The following NRXN3 variants were observed in gnomAD, a reference collection of about 807,000 sequenced individuals.
NRXN3 encodes the protein neurexin 3.
NRXN3 carries 32 observed loss-of-function variants against 137.6 expected under a neutral mutation model. The observed-to-expected ratio is 0.23, with a 90% CI of 0.18 to 0.31. The LOEUF is 0.31. Among genes scored for constraint, NRXN3 ranks in the 10% least tolerant of loss-of-function variants. NRXN3 has a pLI of 1.00. For synonymous variants in NRXN3, 798 were observed against 784.5 expected, an observed-to-expected ratio of 1.02 and a Z score of -0.29; for missense variants, 1,574 against 2,062.5, an observed-to-expected ratio of 0.76 and a Z score of 4.59.
chr14:79,660,654 G>A lies in NRXN3; in HGVS notation c.3445-3124G>A, dbSNP rs146431259. Among the ~76,000 whole-genome samples, 748 of 152,300 alleles carry A rather than the reference G, an allele frequency of 4.9e-3. 6 individuals are homozygous for A. Among genetic ancestry groups the A allele is most frequent in the African/African-American group, 0.017 (716 of 41,572 alleles). ...ACCGTACTTGGCCACTGCTGTCACT[G>A]AAAAGCTACAGAATGCTGCTTTAAA... On this transcript the variant is annotated intron_variant, in intron 16 of 20. Transcript: ENST00000335750.
chr14:78,335,203 T>C (rs2081317293), intron 4 of NRXN3, among the ~76,000 whole-genome samples: 1 of 152,194 alleles, frequency 6.6e-6, no homozygotes. Flanking sequence ...TAAAAATAAT[T>C]GGGCAATGTT....
intron 1 of NRXN3, among the ~76,000 whole-genome samples, chr14:78,240,845 A>G (rs550429407): frequency 2.4e-4 from 37 of 152,302 alleles, no homozygotes; most frequent in African/African-American, 8.4e-4. Context: ...CTTCCTCTTC[A>G]AAGAAGGGGT....
At chr14:79,015,709 A>G (rs1306711020) in intron 15 of NRXN3, among the ~76,000 whole-genome samples, 1 of 152,202 alleles carries the variant, frequency 6.6e-6, no homozygotes, top group East Asian at 1.9e-4. Flanking sequence ...TGACACAGAA[A>G]GACCCTGTCT....
At chr14:79,078,725 T>C (rs990514661) in intron 15 of NRXN3, among the ~76,000 whole-genome samples, 5 of 152,324 alleles carry the variant, frequency 3.3e-5, no homozygotes, top group African/African-American at 1.2e-4. Flanking sequence ...CCAACACATA[T>C]ATTTTGAAGA....
intron 1 of NRXN3, among the ~76,000 whole-genome samples, chr14:78,238,176 G>T (rs561944964): frequency 2.3e-4 from 30 of 130,152 alleles, no homozygotes; most frequent in African/African-American, 8.6e-4. Flanking sequence ...CTCCTAAGCA[G>T]CCGGCTTATG....
chr14:79,769,716 T>G (rs1025748144), intron 19 of NRXN3, among the ~76,000 whole-genome samples: 4 of 151,582 alleles, frequency 2.6e-5, no homozygotes, highest in Non-Finnish European at 5.9e-5. Flanking sequence ...CTGCATCAAC[T>G]AACGAGCAAA....
At chr14:79,317,982 A>G (rs901603775) in intron 15 of NRXN3, among the ~76,000 whole-genome samples, 8 of 152,226 alleles carry the variant, frequency 5.3e-5, no homozygotes, top group African/African-American at 1.9e-4. Flanking sequence ...CATGTTTCAG[A>G]TAAAAATCTC....
At chr14:78,639,949 A>G (rs1027987675) in intron 4 of NRXN3, among the ~76,000 whole-genome samples, 8 of 152,076 alleles carry the variant, frequency 5.3e-5, no homozygotes, top group Non-Finnish European at 7.3e-5. Context: ...GCATGTAAAT[A>G]CCTGCTTGCA....
At chr14:79,602,656 A>G (rs962237246) in intron 16 of NRXN3, among the ~76,000 whole-genome samples, 1 of 152,214 alleles carries the variant, frequency 6.6e-6, no homozygotes, top group Non-Finnish European at 1.5e-5. Flanking sequence ...GACAAAACTG[A>G]CATTGTTTAA....
intron 8 of NRXN3, among the ~76,000 whole-genome samples, chr14:78,796,037 G>T (rs2098820608): frequency 6.6e-6 from 1 of 152,170 alleles, no homozygotes; most frequent in South Asian, 2.1e-4. Flanking sequence ...CCCAGAAGAG[G>T]CAGGCTACTG....
chr14:78,625,422 GT>G (rs1455091015), intron 4 of NRXN3, among the ~76,000 whole-genome samples: 1 of 152,130 alleles, frequency 6.6e-6, no homozygotes, highest in Non-Finnish European at 1.5e-5. Context: ...TTTGGGTTTT[GT>G]TTTGATTTCT....
Position 78,668,885 on chromosome 14 carries a change from CA to C in NRXN3, c.1221+17563del, listed in dbSNP as rs1300175245. Among the ~76,000 whole-genome samples the C allele has an allele frequency of 2.6e-5, 4 of 152,126 alleles. No individual in the cohort carries two copies. In the South Asian group the frequency reaches 8.3e-4, roughly 32 times the overall value. On this transcript the variant is annotated intron_variant, in intron 6 of 20. Coordinates refer to ENST00000335750, the MANE Select transcript of NRXN3 (RefSeq NM_001330195.2). The stretch of plus-strand genomic sequence containing the variant: ...ACTCTTGCTATAGTTAAATGGCAGG[CA>C]AAACTTGATAATTATAATGCAACAT...
chr14:78,844,166 C>T (rs2099020254), intron 10 of NRXN3, among the ~76,000 whole-genome samples: 1 of 152,090 alleles, frequency 6.6e-6, no homozygotes, highest in Non-Finnish European at 1.5e-5. Context: ...TCACTCCAAA[C>T]TCTGCTTCCA....
At chr14:78,499,914 A>G (rs940064220) in intron 4 of NRXN3, among the ~76,000 whole-genome samples, 19 of 152,122 alleles carry the variant, frequency 1.2e-4, no homozygotes, top group Admixed American at 1.0e-3. Flanking sequence ...GGAAGTTGCA[A>G]TCTTATATAA....
intron 9 of NRXN3, among the ~76,000 whole-genome samples, chr14:78,807,734 C>CAAA (rs144921592): frequency 6.3e-5 from 7 of 111,724 alleles, no homozygotes; most frequent in African/African-American, 2.3e-4. Flanking sequence ...GATTCTGTCT[C>CAAA]AAAAAAAAAA....
At chr14:79,460,491 G>A (rs1417285418) in intron 15 of NRXN3, among the ~76,000 whole-genome samples, 4 of 152,056 alleles carry the variant, frequency 2.6e-5, no homozygotes, top group African/African-American at 9.7e-5. Flanking sequence ...GGCAGAAAAA[G>A]GGTCTCACTC....
intron 15 of NRXN3, among the ~76,000 whole-genome samples, chr14:79,256,131 T>C (rs2076539688): frequency 6.6e-6 from 1 of 151,362 alleles, no homozygotes; most frequent in Admixed American, 6.6e-5. Context: ...TGTGTGTCTT[T>C]CTCTCTCTCT....
intron 4 of NRXN3, among the ~76,000 whole-genome samples, chr14:78,504,020 A>G (rs1430961677): frequency 2.6e-5 from 4 of 152,196 alleles, no homozygotes; most frequent in Non-Finnish European, 5.9e-5. Context: ...AGGAAGTTTA[A>G]TGGAGGAGTC....
chr14:78,457,156 G>A (rs1037471390), intron 4 of NRXN3, among the ~76,000 whole-genome samples: 12 of 150,744 alleles, frequency 8.0e-5, no homozygotes, highest in Non-Finnish European at 1.2e-4. Context: ...CTCCCACATT[G>A]GCCTCCCAAG....
Sources: allele counts gnomAD v4.1 joint callset (sites outside exome capture counted in the v4.1 genomes callset), GRCh38; gene constraint gnomAD v4.1.1; transcripts MANE v1.5; gene names NCBI Gene and HGNC (gene_info 2026-07-23, HGNC 2026-07-21).